Variants in SNTG2 observed in about 807,000 individuals in gnomAD.
SNTG2 encodes syntrophin gamma 2.
A neutral mutation model predicts 70.9 loss-of-function variants in SNTG2; 74 were observed. That is an observed-to-expected ratio of 1.04 (90% CI 0.86 to 1.27). SNTG2 has a LOEUF of 1.27. Among genes scored for constraint, SNTG2 ranks in the 50% most tolerant of loss-of-function variants. SNTG2 has a pLI of 0.00. For missense variants in SNTG2, 717 were observed against 690.7 expected (o/e 1.04, Z -0.43); for synonymous variants, 278 against 273.8 (o/e 1.02, Z -0.15).
chr2:1,189,549 A>G (rs1672449295), intron 8 of SNTG2, among the ~76,000 whole-genome samples: 1 of 149,042 alleles, frequency 6.7e-6, no homozygotes. Flanking sequence ...TAGAGGAAAT[A>G]TAATGGGACT....
chr2:1,291,927 T>C (rs1680008546), intron 14 of SNTG2, among the ~76,000 whole-genome samples: 1 of 152,208 alleles, frequency 6.6e-6, no homozygotes, highest in Admixed American at 6.5e-5. Flanking sequence ...CTTTGAGTGG[T>C]ATGGACATCC....
At chr2:1,081,163 G>A (rs971027763) in intron 1 of SNTG2, among the ~76,000 whole-genome samples, 2 of 152,230 alleles carry the variant, frequency 1.3e-5, no homozygotes, top group Admixed American at 6.5e-5. Context: ...AAGCCCACAC[G>A]CCTGGGCTAG....
At chr2:1,359,411 C>G (rs970295270) in intron 16 of SNTG2, among the ~76,000 whole-genome samples, 1 of 152,064 alleles carries the variant, frequency 6.6e-6, no homozygotes, top group African/African-American at 2.4e-5. Flanking sequence ...GTTCTATCTT[C>G]CTGGTGGATT....
chr2:998,814 A>G (rs1661777078), intron 1 of SNTG2, among the ~76,000 whole-genome samples: 1 of 152,148 alleles, frequency 6.6e-6, no homozygotes, highest in Admixed American at 6.5e-5. Flanking sequence ...TGCAAAATGG[A>G]CTTCAACAAG....
At chr2:1,167,533 C>A (rs1287176964) in intron 7 of SNTG2, among the ~76,000 whole-genome samples, 7 of 140,736 alleles carry the variant, frequency 5.0e-5, no homozygotes, top group Non-Finnish European at 1.1e-4. Flanking sequence ...ACAGGCCGCC[C>A]ACAGACGGCA....
intron 6 of SNTG2, among the ~76,000 whole-genome samples, chr2:1,148,311 T>C (rs1309467392): frequency 6.6e-6 from 1 of 152,190 alleles, no homozygotes; most frequent in East Asian, 1.9e-4. Context: ...CACTCCTTAT[T>C]TCTCACATGG....
chr2:1,103,366 T>C, intron 4 of SNTG2: 1 of 286,092 alleles, frequency 3.5e-6, no homozygotes, highest in Non-Finnish European at 7.0e-6. Flanking sequence ...AAATAAATAA[T>C]GATTATAAAT....
intron 1 of SNTG2, among the ~76,000 whole-genome samples, chr2:1,052,183 G>C (rs34952024): frequency 0.12 from 18,957 of 151,988 alleles, 1,368 homozygotes; most frequent in African/African-American, 0.19. Context: ...TTTCTATTCT[G>C]TGGAAAAGTT....
chr2:1,060,806 A>C (rs1212561182), intron 1 of SNTG2, among the ~76,000 whole-genome samples: 1 of 152,370 alleles, frequency 6.6e-6, no homozygotes, highest in African/African-American at 2.4e-5. Context: ...CTGAAGTTAT[A>C]ATAAAAGCTA....
chr2:1,140,363 C>T (rs1412908703), intron 6 of SNTG2, among the ~76,000 whole-genome samples: 1 of 152,218 alleles, frequency 6.6e-6, no homozygotes, highest in Non-Finnish European at 1.5e-5. Context: ...GCCGAGTAAA[C>T]TGTCCGTATG....
intron 1 of SNTG2, among the ~76,000 whole-genome samples, chr2:1,048,059 TTAA>T (rs1223617449): frequency 6.6e-6 from 1 of 152,200 alleles, no homozygotes; most frequent in Non-Finnish European, 1.5e-5. Flanking sequence ...TCTTAACATT[TTAA>T]TGTTATTTTA....
intron 15 of SNTG2, among the ~76,000 whole-genome samples, chr2:1,311,188 A>G (rs978716587): frequency 2.6e-5 from 4 of 152,210 alleles, no homozygotes; most frequent in African/African-American, 9.7e-5. Flanking sequence ...AACTTTGTGT[A>G]AAGATTCAAT....
chr2:1,210,796 C>T (rs1367264285), intron 9 of SNTG2: 2 of 152,156 alleles, frequency 1.3e-5, no homozygotes, highest in Non-Finnish European at 2.9e-5. Context: ...TATTTAGATA[C>T]ACAAATACGA....
At chr2:1,179,240 C>T (rs1035473037) in intron 8 of SNTG2, among the ~76,000 whole-genome samples, 12 of 152,008 alleles carry the variant, frequency 7.9e-5, no homozygotes, top group Admixed American at 5.9e-4. Context: ...TTTGTTGATC[C>T]TTTCAAAAAA....
chr2:1,010,784 C>T (rs763250630), intron 1 of SNTG2, among the ~76,000 whole-genome samples: 36 of 152,306 alleles, frequency 2.4e-4, no homozygotes, highest in African/African-American at 7.7e-4. Context: ...GAATGACAGC[C>T]GTGCTCAGTG....
At chr2:1,142,941 A>G (rs28566876) in intron 6 of SNTG2, among the ~76,000 whole-genome samples, 28,307 of 152,182 alleles carry the variant, frequency 0.19, 2,707 homozygotes, top group Non-Finnish European at 0.22. Context: ...TAGGCTTCAT[A>G]ATAAGATTTG....
chr2:1,214,055 A>C (rs1674216396), intron 9 of SNTG2, among the ~76,000 whole-genome samples: 1 of 152,120 alleles, frequency 6.6e-6, no homozygotes. Context: ...AAATCAATTG[A>C]CCATAGATCT....
intron 13 of SNTG2, among the ~76,000 whole-genome samples, chr2:1,265,655 A>C (rs1468792948): frequency 6.6e-6 from 1 of 152,202 alleles, no homozygotes; most frequent in Non-Finnish European, 1.5e-5. Context: ...AGCATATTTC[A>C]AGTAAAACTA....
intron 1 of SNTG2, among the ~76,000 whole-genome samples, chr2:1,022,112 G>A (rs1660214566): frequency 6.6e-6 from 1 of 152,020 alleles, no homozygotes; most frequent in Admixed American, 6.5e-5. Context: ...TATGAATAGA[G>A]CACAGAGGTG....
Sources: gnomAD v4.1 joint callset for allele counts (sites outside exome capture counted in the v4.1 genomes callset) on GRCh38, gnomAD v4.1.1 for gene constraint, MANE v1.5 for transcripts, NCBI Gene and HGNC (gene_info 2026-07-23, HGNC 2026-07-21) for gene names.